Variants in MAML3 observed in about 807,000 individuals in gnomAD.
The protein encoded by MAML3 is mastermind-like protein 3.
Under a neutral mutation model 101.9 loss-of-function variants are expected in MAML3, and 27 were observed. That is an observed-to-expected ratio of 0.27 (90% CI 0.20 to 0.37). MAML3 has a LOEUF of 0.37. MAML3 is among the 10% of genes least tolerant of loss of function. MAML3 has a pLI of 1.00. For synonymous variants in MAML3, 501 were observed against 555.9 expected (o/e 0.90, Z 1.39); for missense variants, 1,316 against 1,444.9 (o/e 0.91, Z 1.45).
intron 1 of MAML3, among the ~76,000 whole-genome samples, chr4:140,138,737 C>G (rs938973336): frequency 2.0e-5 from 3 of 152,164 alleles, no homozygotes; most frequent in African/African-American, 7.2e-5. Flanking sequence ...GAGCCAGGAA[C>G]AGAAGATGGC....
intron 1 of MAML3, among the ~76,000 whole-genome samples, chr4:140,095,405 A>C (rs1253958441): frequency 6.6e-6 from 1 of 151,780 alleles, no homozygotes; most frequent in Non-Finnish European, 1.5e-5. Flanking sequence ...TTTCTCTCCC[A>C]CTTGACCCCC....
intron 1 of MAML3, among the ~76,000 whole-genome samples, chr4:140,068,299 C>T (rs1727573758): frequency 6.6e-6 from 1 of 152,170 alleles, no homozygotes; most frequent in Non-Finnish European, 1.5e-5. Context: ...CTCCCATCAA[C>T]CTGAGCACAC....
chr4:139,973,575 A>G (rs1309333013), intron 1 of MAML3, among the ~76,000 whole-genome samples: 1 of 152,172 alleles, frequency 6.6e-6, no homozygotes, highest in Non-Finnish European at 1.5e-5. Flanking sequence ...TCACCCCCAC[A>G]GGGAGCTATA....
At chr4:140,090,745 T>C (rs1728031168) in intron 1 of MAML3, among the ~76,000 whole-genome samples, 1 of 152,184 alleles carries the variant, frequency 6.6e-6, no homozygotes, top group African/African-American at 2.4e-5. Context: ...AATTCTTATC[T>C]AGGCTTTCTT....
intron 2 of MAML3, among the ~76,000 whole-genome samples, chr4:139,814,324 T>C (rs918739980): frequency 6.6e-6 from 1 of 152,216 alleles, no homozygotes. Flanking sequence ...CTTCCTATCA[T>C]ATAAGGCTTA....
At chr4:140,039,014 G>A (rs1352016464) in intron 1 of MAML3, among the ~76,000 whole-genome samples, 2 of 152,160 alleles carry the variant, frequency 1.3e-5, no homozygotes, top group Non-Finnish European at 2.9e-5. Flanking sequence ...AGCTACTCGG[G>A]AGGATGAGGC....
intron 2 of MAML3, among the ~76,000 whole-genome samples, chr4:139,881,108 C>T (rs1034270864): frequency 7.2e-5 from 11 of 152,246 alleles, no homozygotes; most frequent in African/African-American, 2.6e-4. Flanking sequence ...ACCAGAGGCA[C>T]CTCTGAATGC....
chr4:140,070,730 T>C (rs1414278918), intron 1 of MAML3, among the ~76,000 whole-genome samples: 1 of 152,204 alleles, frequency 6.6e-6, no homozygotes, highest in Non-Finnish European at 1.5e-5. Flanking sequence ...CTTCAGAAGG[T>C]AGGACTCCTA....
At chr4:139,949,009 A>T (rs867424067) in intron 1 of MAML3, among the ~76,000 whole-genome samples, 2 of 150,270 alleles carry the variant, frequency 1.3e-5, no homozygotes, top group African/African-American at 2.4e-5. Context: ...GGTAGTAGAA[A>T]TTTTTTTTTT....
intron 2 of MAML3, among the ~76,000 whole-genome samples, chr4:139,784,429 G>A (rs1730271187): frequency 6.6e-6 from 1 of 152,172 alleles, no homozygotes; most frequent in Admixed American, 6.5e-5. Context: ...TTCCACTGCA[G>A]GGCTCTGGGC....
chr4:139,832,282 ATTTTTATTT>A (rs1392901122), intron 2 of MAML3, among the ~76,000 whole-genome samples: 1 of 140,854 alleles, frequency 7.1e-6, no homozygotes, highest in African/African-American at 2.7e-5. Flanking sequence ...TTTTTTTTTT[ATTTTTATTT>A]TTAGTAGACA....
At chr4:139,996,313 A>G (rs1374436994) in intron 1 of MAML3, among the ~76,000 whole-genome samples, 1 of 152,222 alleles carries the variant, frequency 6.6e-6, no homozygotes, top group African/African-American at 2.4e-5. Flanking sequence ...GTGATTAGAG[A>G]AAGCCCTGCT....
chr4:139,980,685 G>A (rs1353900318), intron 1 of MAML3, among the ~76,000 whole-genome samples: 1 of 152,220 alleles, frequency 6.6e-6, no homozygotes, highest in African/African-American at 2.4e-5. Flanking sequence ...TGTCTGCTAT[G>A]TAGTCAGCAC....
chr4:140,084,658 G>A (rs1478286220), intron 1 of MAML3, among the ~76,000 whole-genome samples: 1 of 152,018 alleles, frequency 6.6e-6, no homozygotes, highest in East Asian at 1.9e-4. Context: ...CCTAACGCCA[G>A]CATTTATTTC....
chr4:139,812,045 C>T (rs28422495), intron 2 of MAML3, among the ~76,000 whole-genome samples: 4,022 of 152,062 alleles, frequency 0.026, 188 homozygotes, highest in African/African-American at 0.092. Context: ...GGAGGATCAC[C>T]AGGAGTTAGA....
intron 1 of MAML3, among the ~76,000 whole-genome samples, chr4:140,023,937 A>G (rs1191377623): frequency 6.6e-6 from 1 of 152,226 alleles, no homozygotes; most frequent in African/African-American, 2.4e-5. Context: ...AACAGTGTGG[A>G]AAGTACTACC....
chr4:139,828,712 CTTTTTTT>C (rs996757226), intron 2 of MAML3, among the ~76,000 whole-genome samples: 15 of 128,706 alleles, frequency 1.2e-4, no homozygotes, highest in South Asian at 1.0e-3. Flanking sequence ...AGATGCACTT[CTTTTTTT>C]TTTTTTTTTT....
At chr4:139,853,907 T>C (rs1442506092) in intron 2 of MAML3, among the ~76,000 whole-genome samples, 2 of 151,976 alleles carry the variant, frequency 1.3e-5, no homozygotes, top group African/African-American at 4.8e-5. Flanking sequence ...CTGCAACCTC[T>C]GCCTCCTGGG....
intron 1 of MAML3, among the ~76,000 whole-genome samples, chr4:140,032,092 C>T (rs1726917503): frequency 6.6e-6 from 1 of 152,146 alleles, no homozygotes; most frequent in Non-Finnish European, 1.5e-5. Context: ...TTAAATTTAC[C>T]TGTCTGTGCA....
Sources: gnomAD v4.1 joint callset for allele counts (sites outside exome capture counted in the v4.1 genomes callset) on GRCh38, gnomAD v4.1.1 for gene constraint, MANE v1.5 for transcripts, NCBI Gene and HGNC (gene_info 2026-07-23, HGNC 2026-07-21) for gene names.